The following ROBO2 variants were observed in gnomAD, a reference collection of about 807,000 sequenced individuals.
ROBO2 encodes roundabout homolog 2.
Under a neutral mutation model 160.8 loss-of-function variants are expected in ROBO2, and 53 were observed. That is an observed-to-expected ratio of 0.33 (90% confidence interval 0.26 to 0.41). The LOEUF (loss-of-function observed/expected upper bound fraction) is 0.41. Ranked by LOEUF, ROBO2 falls within the 10% of genes least tolerant of loss-of-function variation. The probability of loss-of-function intolerance (pLI) is 1.00; values close to 1 mark genes in which losing one functional copy is unlikely to be tolerated. For synonymous variants in ROBO2, 664 were observed against 611.7 expected, an observed-to-expected ratio of 1.09 and a Z score of -1.26; for missense variants, 1,577 against 1,722.4, an observed-to-expected ratio of 0.92 and a Z score of 1.49.
chr3:77,100,696 T>G (rs2071793594), intron 2 of ROBO2, among the ~76,000 whole-genome samples: 1 of 152,102 alleles, frequency 6.6e-6, no homozygotes, highest in Non-Finnish European at 1.5e-5. Context: ...CTCAAAGAGC[T>G]CACATTCTAG....
chr3:77,126,778 A>ACTT (rs751153916), intron 2 of ROBO2, among the ~76,000 whole-genome samples: 10 of 133,542 alleles, frequency 7.5e-5, no homozygotes, highest in African/African-American at 3.1e-4. Context: ...TGATTTTGAA[A>ACTT]CTTCTTTTTT....
At chr3:77,425,607 T>C (rs2078120247) in intron 2 of ROBO2, among the ~76,000 whole-genome samples, 2 of 150,668 alleles carry the variant, frequency 1.3e-5, no homozygotes, top group African/African-American at 4.9e-5. Context: ...GAGGATGGGG[T>C]GATCAGGAAT....
At chr3:76,858,827 G>T (rs926579948) in intron 2 of ROBO2, among the ~76,000 whole-genome samples, 1 of 152,174 alleles carries the variant, frequency 6.6e-6, no homozygotes, top group African/African-American at 2.4e-5. Flanking sequence ...CATTTGTGTG[G>T]TATCAACTTT....
chr3:76,272,247 T>C (rs1707478718), intron 2 of ROBO2, among the ~76,000 whole-genome samples: 1 of 152,194 alleles, frequency 6.6e-6, no homozygotes, highest in Non-Finnish European at 1.5e-5. Context: ...TATAATTTTA[T>C]GCCTTGGTAG....
In ROBO2 at chr3:76,505,733, GA is replaced by G. The variant is rs540073699; in HGVS notation, c.109+568132del. On this transcript the variant is annotated intron_variant, in intron 2 of 26. Coordinates refer to the ROBO2 transcript ENST00000487694. ...GAAACATTTTTTCCCCTAGAGCCTT[GA>G]CCCTGTCAACACCTTGATTTCAGAC... is the stretch of plus-strand genomic sequence containing the variant. 1.5e-3 allele frequency among the ~76,000 whole-genome samples: 233 copies of G among 152,104 alleles called. 2 individuals carry two copies. Among genetic ancestry groups the G allele is most frequent in the Middle Eastern group, 0.01 (3 of 294 alleles).
chr3:76,939,978 G>GT (rs2078048454), intron 2 of ROBO2, among the ~76,000 whole-genome samples: 2 of 81,458 alleles, frequency 2.5e-5, no homozygotes, highest in Admixed American at 1.5e-4. Flanking sequence ...AAAGCAACAG[G>GT]ATTTTTTTTT....
At chr3:77,478,698 G>A (rs1035076772) in intron 3 of ROBO2, among the ~76,000 whole-genome samples, 2 of 152,064 alleles carry the variant, frequency 1.3e-5, no homozygotes, top group African/African-American at 4.8e-5. Context: ...GAATAAATGT[G>A]CCATTTTAAT....
intron 2 of ROBO2, among the ~76,000 whole-genome samples, chr3:75,941,758 TATTTA>T (rs1948065488): frequency 6.6e-6 from 1 of 152,148 alleles, no homozygotes; most frequent in African/African-American, 2.4e-5. Flanking sequence ...CATGAAATAA[TATTTA>T]AGTTAAGGGG....
intron 2 of ROBO2, among the ~76,000 whole-genome samples, chr3:75,999,113 G>T (rs1464839939): frequency 6.6e-6 from 1 of 152,092 alleles, no homozygotes; most frequent in Non-Finnish European, 1.5e-5. Context: ...TTTGGGTCAG[G>T]CTAGTTACTA....
At chr3:76,138,406 G>T (rs898795235) in intron 2 of ROBO2, among the ~76,000 whole-genome samples, 18 of 151,840 alleles carry the variant, frequency 1.2e-4, no homozygotes, top group African/African-American at 4.3e-4. Flanking sequence ...CATGCTTTTT[G>T]CTCACCATAT....
chr3:76,317,510 G>T (rs1025566501), intron 2 of ROBO2, among the ~76,000 whole-genome samples: 1 of 152,064 alleles, frequency 6.6e-6, no homozygotes, highest in African/African-American at 2.4e-5. Flanking sequence ...TGTGAGATTG[G>T]GAATCTGGAA....
intron 2 of ROBO2, among the ~76,000 whole-genome samples, chr3:76,401,814 C>T (rs1393206447): frequency 2.0e-5 from 3 of 151,194 alleles, no homozygotes; most frequent in African/African-American, 7.3e-5. Context: ...TTGTCATGTC[C>T]TAAGGTATCA....
intron 2 of ROBO2, among the ~76,000 whole-genome samples, chr3:76,232,520 CAG>C (rs1704681353): frequency 6.6e-6 from 1 of 152,158 alleles, no homozygotes; most frequent in Admixed American, 6.6e-5. Context: ...TTATTTGCAT[CAG>C]GGCAAATTTG....
At chr3:77,446,249 C>G (rs950486896) in intron 2 of ROBO2, among the ~76,000 whole-genome samples, 7 of 151,914 alleles carry the variant, frequency 4.6e-5, no homozygotes, top group Non-Finnish European at 1.0e-4. Flanking sequence ...GACATCAAAG[C>G]TATACACACA....
At chr3:76,524,559 T>C (rs2081823846) in intron 2 of ROBO2, among the ~76,000 whole-genome samples, 1 of 151,782 alleles carries the variant, frequency 6.6e-6, no homozygotes, top group Non-Finnish European at 1.5e-5. Context: ...TTAGAGATTA[T>C]GGGACGCTTT....
At chr3:77,421,788 A>G (rs2077737223) in intron 2 of ROBO2, among the ~76,000 whole-genome samples, 1 of 152,154 alleles carries the variant, frequency 6.6e-6, no homozygotes, top group Non-Finnish European at 1.5e-5. Context: ...TCAGTAATCC[A>G]TTGGTTATCT....
At chr3:76,468,135 A>G (rs1192147952) in intron 2 of ROBO2, among the ~76,000 whole-genome samples, 1 of 152,132 alleles carries the variant, frequency 6.6e-6, no homozygotes, top group Admixed American at 6.6e-5. Flanking sequence ...CCTATCATAC[A>G]GAAACTATTA....
intron 2 of ROBO2, among the ~76,000 whole-genome samples, chr3:77,338,766 A>T (rs1162840466): frequency 1.3e-5 from 2 of 152,188 alleles, no homozygotes; most frequent in Admixed American, 6.5e-5. Context: ...TACTAGGATT[A>T]GGTATTTGCT....
chr3:77,556,453 T>G (rs1312571059), intron 8 of ROBO2, among the ~76,000 whole-genome samples: 1 of 151,874 alleles, frequency 6.6e-6, no homozygotes, highest in African/African-American at 2.4e-5. Context: ...ATCTGCAATG[T>G]CTTGATATGA....
Sources: gnomAD v4.1 joint callset for allele counts (sites outside exome capture counted in the v4.1 genomes callset) on GRCh38, gnomAD v4.1.1 for gene constraint, MANE v1.5 for transcripts, NCBI Gene and HGNC (gene_info 2026-07-23, HGNC 2026-07-21) for gene names.